Variants in KCND2 observed in about 807,000 individuals in gnomAD.
KCND2 encodes A-type voltage-gated potassium channel KCND2.
KCND2 carries 16 observed loss-of-function variants against 54.4 expected under a neutral mutation model. The observed-to-expected ratio is 0.29, with a 90% CI of 0.20 to 0.45. The LOEUF (loss-of-function observed/expected upper bound fraction) is 0.45. KCND2 is among the 20% of genes least tolerant of loss of function. KCND2 has a pLI of 1.00. For missense variants in KCND2, 486 were observed against 824.2 expected (o/e 0.59, Z 5.02); for synonymous variants, 317 against 310.7 (o/e 1.02, Z -0.21).
chr7:120,520,001 C>A (rs932205552), intron 1 of KCND2, among the ~76,000 whole-genome samples: 5 of 151,888 alleles, frequency 3.3e-5, no homozygotes, highest in African/African-American at 1.2e-4. Flanking sequence ...ATAATATTTG[C>A]ATGAAGAAAA....
chr7:120,273,158 G>A (rs186512167), upstream of KCND2, among the ~76,000 whole-genome samples: 4 of 152,326 alleles, frequency 2.6e-5, no homozygotes, highest in African/African-American at 4.8e-5. Flanking sequence ...CCGAGGGAAA[G>A]GCAGGAGACG....
At chr7:120,699,614 G>T (rs1487041643) in intron 1 of KCND2, among the ~76,000 whole-genome samples, 1 of 152,176 alleles carries the variant, frequency 6.6e-6, no homozygotes, top group Non-Finnish European at 1.5e-5. Flanking sequence ...TTTCCAAGAA[G>T]AGGTGGAATT....
intron 1 of KCND2, among the ~76,000 whole-genome samples, chr7:120,699,985 AGTT>A (rs1393207431): frequency 6.6e-6 from 1 of 152,206 alleles, no homozygotes; most frequent in Non-Finnish European, 1.5e-5. Context: ...AGATACAAGT[AGTT>A]AAGAATAGGG....
chr7:120,289,878 G>A (rs528993630), intron 1 of KCND2, among the ~76,000 whole-genome samples: 79 of 152,240 alleles, frequency 5.2e-4, no homozygotes, highest in African/African-American at 1.5e-3. Context: ...TGGTTTAGAG[G>A]AAAGTGTTTC....
chr7:120,358,898 C>T (rs1403857568), intron 1 of KCND2, among the ~76,000 whole-genome samples: 1 of 152,166 alleles, frequency 6.6e-6, no homozygotes, highest in Non-Finnish European at 1.5e-5. Context: ...TTTTTTACTA[C>T]CTACATTGCT....
chr7:120,464,115 T>A (rs1802331336), intron 1 of KCND2: 1 of 978,216 alleles, frequency 1.0e-6, no homozygotes, highest in African/African-American at 1.8e-5. Flanking sequence ...GGTTTCCCCC[T>A]AGCTATCATT....
intron 4 of KCND2, among the ~76,000 whole-genome samples, chr7:120,745,425 A>G (rs1330853023): frequency 2.0e-5 from 3 of 151,898 alleles, no homozygotes; most frequent in Non-Finnish European, 2.9e-5. Context: ...GGGAATTTCT[A>G]ATTTCCCTGT....
intron 1 of KCND2, among the ~76,000 whole-genome samples, chr7:120,726,011 C>T (rs553255547): frequency 5.9e-5 from 9 of 152,202 alleles, no homozygotes; most frequent in African/African-American, 2.2e-4. Context: ...ATTATTAATG[C>T]TGTGAATAGT....
intron 1 of KCND2, among the ~76,000 whole-genome samples, chr7:120,644,135 T>C (rs1426089006): frequency 2.0e-5 from 3 of 152,094 alleles, no homozygotes; most frequent in Non-Finnish European, 4.4e-5. Context: ...CTTACCTGGA[T>C]TGAGAGTTTC....
intron 1 of KCND2, among the ~76,000 whole-genome samples, chr7:120,495,478 G>A (rs1802835992): frequency 2.0e-5 from 3 of 152,236 alleles, no homozygotes; most frequent in South Asian, 2.1e-4. Context: ...AGTTGGGGCT[G>A]TAATGTTACT....
intron 1 of KCND2, among the ~76,000 whole-genome samples, chr7:120,678,333 G>A (rs1428621847): frequency 8.2e-6 from 1 of 122,390 alleles, no homozygotes; most frequent in African/African-American, 3.3e-5. Flanking sequence ...TCTACCGTAG[G>A]TATGATTATT....
intron 1 of KCND2, among the ~76,000 whole-genome samples, chr7:120,315,258 G>C (rs1799796562): frequency 6.6e-6 from 1 of 152,112 alleles, no homozygotes. Context: ...CAACCACAAA[G>C]GGAGAGTTTG....
At chr7:120,470,249 C>G (rs1802434681) in intron 1 of KCND2, among the ~76,000 whole-genome samples, 1 of 152,062 alleles carries the variant, frequency 6.6e-6, no homozygotes, top group African/African-American at 2.4e-5. Context: ...GACGCTGTAA[C>G]TAATCAAAGT....
chr7:120,711,491 C>T (rs1413555551), intron 1 of KCND2, among the ~76,000 whole-genome samples: 7 of 151,972 alleles, frequency 4.6e-5, no homozygotes, highest in Non-Finnish European at 8.8e-5. Flanking sequence ...TAGAGGCCCA[C>T]GTTGAAAGAT....
chr7:120,702,527 C>T (rs1178303967), intron 1 of KCND2, among the ~76,000 whole-genome samples: 1 of 152,124 alleles, frequency 6.6e-6, no homozygotes, highest in Non-Finnish European at 1.5e-5. Context: ...ATAGCAAAGA[C>T]ATAGAATCAA....
chr7:120,465,942 A>G (rs17142758), intron 1 of KCND2, among the ~76,000 whole-genome samples: 9,345 of 152,208 alleles, frequency 0.061, 881 homozygotes, highest in African/African-American at 0.21. Context: ...GAGTAATACA[A>G]TATTAGTTTT....
intron 2 of KCND2, among the ~76,000 whole-genome samples, chr7:120,734,620 G>T (rs752773976): frequency 6.6e-6 from 1 of 152,056 alleles, no homozygotes; most frequent in African/African-American, 2.4e-5. Context: ...ACCTTGAGAG[G>T]CAGGGCCCTT....
chr7:120,320,298 C>CT (rs1186084300), intron 1 of KCND2, among the ~76,000 whole-genome samples: 1 of 152,108 alleles, frequency 6.6e-6, no homozygotes, highest in Non-Finnish European at 1.5e-5. Flanking sequence ...AGATTAACTT[C>CT]TATAAGAAGT....
At chr7:120,746,132 A>G in intron 5 of KCND2, 105 bp downstream of exon 5, 13 of 1,345,302 alleles carry the variant, frequency 9.7e-6, no homozygotes, top group East Asian at 7.0e-5. Flanking sequence ...CCTAGCTCCT[A>G]TGGTTCAGGA....
Sources: allele counts gnomAD v4.1 joint callset (sites outside exome capture counted in the v4.1 genomes callset), GRCh38; gene constraint gnomAD v4.1.1; transcripts MANE v1.5; gene names NCBI Gene and HGNC (gene_info 2026-07-23, HGNC 2026-07-21).